Variants in EIF4ENIF1 observed in about 807,000 individuals in gnomAD.
EIF4ENIF1 encodes eukaryotic translation initiation factor 4E transporter.
In EIF4ENIF1, 23 loss-of-function variants were observed where a neutral mutation model predicts 110.5. The ratio of observed to expected loss-of-function variants is 0.21; its 90% CI spans 0.15 to 0.29. The LOEUF (loss-of-function observed/expected upper bound fraction) is 0.29, where lower values mean the gene tolerates loss of function less well. Among genes scored for constraint, EIF4ENIF1 ranks in the 10% least tolerant of loss-of-function variants. EIF4ENIF1 has a pLI of 1.00. For synonymous variants in EIF4ENIF1, 440 were observed against 437.0 expected, an observed-to-expected ratio of 1.01 and a Z score of -0.09; for missense variants, 1,031 against 1,221.1, an observed-to-expected ratio of 0.84 and a Z score of 2.32.
At chr22:31,492,863 C>T (rs1176432627), upstream of EIF4ENIF1, among the ~76,000 whole-genome samples, 1 of 152,048 alleles carries the variant, frequency 6.6e-6, no homozygotes, top group Admixed American at 6.6e-5. Context: ...TCCTGAGTAG[C>T]TGGGATTACA....
chr22:31,454,066 TAAAAATCC>T, intron 10 of EIF4ENIF1, 70 bp downstream of exon 10: 2 of 1,359,252 alleles, frequency 1.5e-6, no homozygotes, highest in South Asian at 1.3e-5. Context: ...AATACCTTTT[TAAAAATCC>T]TTTTATTGTG....
At chr22:31,490,806 G>C (rs964393443), upstream of EIF4ENIF1, among the ~76,000 whole-genome samples, 1 of 152,164 alleles carries the variant, frequency 6.6e-6, no homozygotes, top group Admixed American at 6.5e-5. Flanking sequence ...GGTGTGAAGC[G>C]ATACATAGGC....
In EIF4ENIF1 at chr22:31,455,292, G is replaced by C. The variant is rs1178961416; in HGVS notation, c.1123C>G (p.Pro375Ala). ...LAGLEQAILSPGQNSGNYFAP... is the reference protein window; with the variant it reads ...LAGLEQAILSAGQNSGNYFAP... Reference sequence around the variant, plus strand: ...AAGTAATTCCCCGAGTTCTGTCCAGGAGAGAGGATGGCTTGCTCCAGACCT... The same window carrying C: ...AAGTAATTCCCCGAGTTCTGTCCAGCAGAGAGGATGGCTTGCTCCAGACCT... The change falls in exon 9 of 19, where the codon CCT (proline) becomes GCT (alanine). Residue 375 changes from proline (P) to alanine (A), a missense_variant. Transcript: ENST00000330125. The C allele has an allele frequency of 4.4e-6, 7 of 1,601,348 alleles. No individual in the cohort carries two copies. In the Admixed American group the frequency reaches 6.9e-5, roughly 16 times the overall value.
intron 16 of EIF4ENIF1, 52 bp from the exon 17 acceptor site, chr22:31,442,170 T>C (rs376763856): frequency 5.0e-5 from 69 of 1,384,256 alleles, no homozygotes; most frequent in Non-Finnish European, 6.9e-5. Flanking sequence ...CAAACACTTG[T>C]GGCCTCCCAC....
chr22:31,493,103 G>A (rs534352028), upstream of EIF4ENIF1, among the ~76,000 whole-genome samples: 12 of 149,498 alleles, frequency 8.0e-5, no homozygotes, highest in Admixed American at 2.0e-4. Flanking sequence ...GCGTAATCTC[G>A]GCTCACTGCA....
chr22:31,478,825 G>C (rs981167854), intron 2 of EIF4ENIF1, among the ~76,000 whole-genome samples: 5 of 151,712 alleles, frequency 3.3e-5, no homozygotes, highest in African/African-American at 1.2e-4. Context: ...GGTGGCAGGT[G>C]CCTGTAGTCC....
At chr22:31,452,621 TATAAG>T (rs1425548982) in intron 10 of EIF4ENIF1, among the ~76,000 whole-genome samples, 1 of 152,166 alleles carries the variant, frequency 6.6e-6, no homozygotes, top group Admixed American at 6.5e-5. Flanking sequence ...AGAAGCTAAT[TATAAG>T]ATATGAACCA....
intron 2 of EIF4ENIF1, among the ~76,000 whole-genome samples, chr22:31,487,518 C>T (rs2052081116): frequency 6.6e-6 from 1 of 152,100 alleles, no homozygotes; most frequent in African/African-American, 2.4e-5. Context: ...TGACTGAGGC[C>T]TGGCACAGTG....
At chr22:31,455,027 A>G in intron 9 of EIF4ENIF1, 109 bp downstream of exon 9, 1 of 911,000 alleles carries the variant, frequency 1.1e-6, no homozygotes, top group South Asian at 2.4e-5. Context: ...CAAAAACCCA[A>G]TATATATTTG....
At chr22:31,465,177 G>A (rs1355696088) in intron 4 of EIF4ENIF1, among the ~76,000 whole-genome samples, 2 of 151,848 alleles carry the variant, frequency 1.3e-5, no homozygotes, top group African/African-American at 4.8e-5. Flanking sequence ...TACAAAATTA[G>A]CCAGGCGTGG....
chr22:31,451,039 C>G (rs374579719), intron 10 of EIF4ENIF1: 1 of 152,164 alleles, frequency 6.6e-6, no homozygotes, highest in South Asian at 2.1e-4. Flanking sequence ...TGCCACCACA[C>G]CCAACTAATT....
Position 31,488,805 on chromosome 22 carries a change from C to T in EIF4ENIF1, c.-27-60G>A, listed in dbSNP as rs1347318363. 6 of 1,522,970 alleles carry T rather than the reference C, an allele frequency of 3.9e-6. No individual in the cohort carries two copies. The African/African-American group carries it at 7.0e-5, about 18-fold the overall frequency. The allele number at this position is 1,522,970 out of a possible 1,614,324, so 94.3% of individuals were successfully genotyped here. On this transcript the variant is annotated intron_variant, in intron 1 of 18. Coordinates refer to ENST00000330125, the MANE Select transcript of EIF4ENIF1 (RefSeq NM_019843.4). ...AACAGTAAGTTTTCAGAAATCTTGG[C>T]TGTTTCTTCAGAAGCTGAAACTTTT...
At chr22:31,467,605 A>C (rs564294858) in intron 4 of EIF4ENIF1, among the ~76,000 whole-genome samples, 1 of 152,086 alleles carries the variant, frequency 6.6e-6, no homozygotes, top group African/African-American at 2.4e-5. Context: ...TGGGTGGATC[A>C]CGAGGTTAGC....
At chr22:31,439,304 C>T (rs1049459736), downstream of EIF4ENIF1, 1 of 153,174 alleles carries the variant, frequency 6.5e-6, no homozygotes, top group African/African-American at 2.4e-5. Context: ...AGAGTGAGAC[C>T]CTGTCTCCAA....
intron 3 of EIF4ENIF1, among the ~76,000 whole-genome samples, chr22:31,468,527 T>C (rs1828735647): frequency 6.6e-6 from 1 of 152,174 alleles, no homozygotes; most frequent in African/African-American, 2.4e-5. Context: ...CACCAGTAGC[T>C]GGGATTACAA....
intron 11 of EIF4ENIF1, 51 bp from the exon 12 acceptor site, chr22:31,449,582 A>G (rs1201683459): frequency 6.5e-7 from 1 of 1,545,522 alleles, no homozygotes. Context: ...CCTTCTACTC[A>G]GAGGCTGTGA....
At chr22:31,479,844 T>G (rs941454227) in intron 2 of EIF4ENIF1, among the ~76,000 whole-genome samples, 2 of 151,912 alleles carry the variant, frequency 1.3e-5, no homozygotes, top group African/African-American at 2.4e-5. Context: ...CCCAAGCAGC[T>G]AAGACTACAG....
intron 18 of EIF4ENIF1, among the ~76,000 whole-genome samples, chr22:31,440,425 C>T (rs914756970): frequency 6.6e-6 from 1 of 152,134 alleles, no homozygotes; most frequent in African/African-American, 2.4e-5. Context: ...CTGGGCAGGC[C>T]GGATGCTGAA....
intron 7 of EIF4ENIF1, among the ~76,000 whole-genome samples, chr22:31,456,223 C>CTT (rs36001621): frequency 1.2e-4 from 16 of 131,022 alleles, no homozygotes; most frequent in South Asian, 7.4e-4. Flanking sequence ...TTTTTTATTA[C>CTT]TTTTTTTTTT....
Sources: gnomAD v4.1 joint callset for allele counts (sites outside exome capture counted in the v4.1 genomes callset) on GRCh38, gnomAD v4.1.1 for gene constraint, MANE v1.5 for transcripts, NCBI Gene and HGNC (gene_info 2026-07-23, HGNC 2026-07-21) for gene names.